Variants in CDC37L1 observed in about 807,000 individuals in gnomAD.
CDC37L1 encodes the protein hsp90 co-chaperone Cdc37-like 1.
Under a neutral mutation model 45.9 loss-of-function variants are expected in CDC37L1, and 32 were observed. That is an observed-to-expected ratio of 0.70 (90% confidence interval 0.53 to 0.94). CDC37L1 has a LOEUF of 0.94. Among genes scored for constraint, CDC37L1 ranks in the 40% least tolerant of loss-of-function variants. The probability of loss-of-function intolerance (pLI) is 0.00; values close to 1 mark genes in which losing one functional copy is unlikely to be tolerated. For synonymous variants in CDC37L1, 150 were observed against 133.0 expected, an observed-to-expected ratio of 1.13 and a Z score of -0.88; for missense variants, 434 against 405.7, an observed-to-expected ratio of 1.07 and a Z score of -0.60.
intron 3 of CDC37L1, among the ~76,000 whole-genome samples, chr9:4,694,372 GC>G (rs2130849780): frequency 1.3e-5 from 2 of 152,120 alleles, no homozygotes; most frequent in Admixed American, 1.3e-4. Context: ...GAGCTACTGC[GC>G]CCCACCTGTC....
chr9:4,702,069 A>C, intron 6 of CDC37L1, 41 bp downstream of exon 6: 1 of 1,094,392 alleles, frequency 9.1e-7, no homozygotes. Flanking sequence ...AAGCCTATTA[A>C]TTCACATAAT....
intron 3 of CDC37L1, among the ~76,000 whole-genome samples, chr9:4,690,271 A>G (rs1206947412): frequency 6.6e-6 from 1 of 152,226 alleles, no homozygotes; most frequent in Admixed American, 6.5e-5. Flanking sequence ...GATTAGAAGC[A>G]TGGCAAGGAG....
chr9:4,688,176 T>C (rs1841267955), intron 2 of CDC37L1, among the ~76,000 whole-genome samples: 1 of 152,188 alleles, frequency 6.6e-6, no homozygotes, highest in Non-Finnish European at 1.5e-5. Flanking sequence ...TTTTTTGTAT[T>C]TTTAGTAGAG....
At chr9:4,704,806 C>A (rs1436793129) in intron 6 of CDC37L1, among the ~76,000 whole-genome samples, 1 of 152,042 alleles carries the variant, frequency 6.6e-6, no homozygotes, top group South Asian at 2.1e-4. Flanking sequence ...TTTGAGAGGT[C>A]TAATCCAAGG....
intron 3 of CDC37L1, among the ~76,000 whole-genome samples, chr9:4,694,206 A>G (rs534439120): frequency 1.3e-5 from 2 of 152,130 alleles, no homozygotes; most frequent in African/African-American, 4.8e-5. Context: ...CAGCCTTCCA[A>G]GTAGCTGGGA....
intron 2 of CDC37L1, among the ~76,000 whole-genome samples, chr9:4,685,976 G>A (rs899930662): frequency 5.3e-5 from 8 of 152,162 alleles, no homozygotes; most frequent in Non-Finnish European, 1.0e-4. Context: ...CAGTTTGGTT[G>A]ACATGATGAA....
At chr9:4,704,598 C>T (rs1841426804) in intron 6 of CDC37L1, among the ~76,000 whole-genome samples, 1 of 152,152 alleles carries the variant, frequency 6.6e-6, no homozygotes, top group Non-Finnish European at 1.5e-5. Flanking sequence ...ATTGTAAGCT[C>T]TGTTCCAGAG....
intron 2 of CDC37L1, 120 bp from the exon 3 acceptor site, chr9:4,688,393 C>T: frequency 2.1e-6 from 1 of 486,530 alleles, no homozygotes; most frequent in Non-Finnish European, 3.4e-6. Context: ...CATGTAATAT[C>T]AGTATGATAC....
intron 3 of CDC37L1, 42 bp downstream of exon 3, chr9:4,688,648 A>G (rs936111126): frequency 7.8e-7 from 1 of 1,279,532 alleles, no homozygotes; most frequent in Non-Finnish European, 1.1e-6. Flanking sequence ...AATGTTTGGT[A>G]TCATATGTAC....
intron 6 of CDC37L1, chr9:4,703,009 GTTA>G: frequency 7.1e-7 from 1 of 1,402,766 alleles, no homozygotes; most frequent in Non-Finnish European, 9.5e-7. Flanking sequence ...ACAAGTTTAA[GTTA>G]TTATTAGATA....
intron 5 of CDC37L1, 106 bp downstream of exon 5, chr9:4,697,985 A>T: frequency 9.9e-7 from 1 of 1,009,404 alleles, no homozygotes; most frequent in Non-Finnish European, 1.5e-6. Flanking sequence ...GCCACAGGCT[A>T]AATTCTGTAG....
intron 1 of CDC37L1, among the ~76,000 whole-genome samples, chr9:4,682,950 ATATTT>A (rs1404119793): frequency 2.7e-5 from 4 of 145,908 alleles, no homozygotes; most frequent in East Asian, 3.9e-4. Context: ...GTAAAAATAA[ATATTT>A]TATTTTAAAA....
chr9:4,700,618 T>G (rs1841388030), intron 5 of CDC37L1, among the ~76,000 whole-genome samples: 1 of 152,268 alleles, frequency 6.6e-6, no homozygotes, highest in Admixed American at 6.5e-5. Flanking sequence ...GGCACTGGTC[T>G]TCAATCTTAA....
chr9:4,693,132 A>C (rs1357058036), intron 3 of CDC37L1, among the ~76,000 whole-genome samples: 1 of 152,096 alleles, frequency 6.6e-6, no homozygotes, highest in Non-Finnish European at 1.5e-5. Context: ...AAAATGAATT[A>C]GTGTAGTTTG....
chr9:4,694,734 G>A (rs144218087), intron 3 of CDC37L1, among the ~76,000 whole-genome samples: 9 of 152,152 alleles, frequency 5.9e-5, no homozygotes, highest in Admixed American at 4.6e-4. Context: ...AACTGGGCGT[G>A]GTGACACACG....
Position 4,702,005 on chromosome 9 carries a change from G to C in CDC37L1, c.889G>C (p.Gly297Arg). The change falls in exon 6 of 7, where the codon GGT becomes CGT. Residue 297 changes from glycine (G) to arginine (R), a missense_variant. Coordinates refer to ENST00000381854, the MANE Select transcript of CDC37L1 (RefSeq NM_017913.4). ...TCCCCATTCTGGTGTTGGATCTATA[G>C]GTTTATTAGAATCCTTACCACAGGT... The part of the protein sequence containing the change: ...HVPHSGVGSI[G>R]LLESLPQNPD... 6.8e-7 allele frequency: 1 copy of C among 1,474,752 alleles called. No individual in the cohort carries two copies. The highest frequency in any genetic ancestry group is 1.4e-5 in the South Asian group (1 of 70,004). The allele number at this position is 1,474,752 out of a possible 1,614,324, so 91.4% of individuals were successfully genotyped here.
intron 3 of CDC37L1, among the ~76,000 whole-genome samples, chr9:4,689,011 T>A (rs887652114): frequency 2.6e-5 from 4 of 152,192 alleles, no homozygotes; most frequent in Non-Finnish European, 5.9e-5. Flanking sequence ...TTCAGGCAGA[T>A]CCTTGAACTG....
chr9:4,705,123 A>G (rs149009043), intron 6 of CDC37L1, among the ~76,000 whole-genome samples: 31 of 152,214 alleles, frequency 2.0e-4, no homozygotes, highest in Non-Finnish European at 3.4e-4. Flanking sequence ...CCAACCTCCT[A>G]TTGGATGGTG....
intron 5 of CDC37L1, among the ~76,000 whole-genome samples, chr9:4,698,712 G>T (rs1841371345): frequency 2.0e-5 from 3 of 152,130 alleles, no homozygotes; most frequent in Non-Finnish European, 2.9e-5. Context: ...CAGGAACCCG[G>T]AGGGGCTTCA....
Sources: gnomAD v4.1 joint callset for allele counts (sites outside exome capture counted in the v4.1 genomes callset) on GRCh38, gnomAD v4.1.1 for gene constraint, MANE v1.5 for transcripts, NCBI Gene and HGNC (gene_info 2026-07-23, HGNC 2026-07-21) for gene names.